TF: variants seen among roughly 807,000 people sequenced by gnomAD.
TF encodes transferrin.
In TF, 55 loss-of-function variants were observed where a neutral mutation model predicts 82.4. That is an observed-to-expected ratio of 0.67 (90% CI 0.54 to 0.84). The LOEUF (loss-of-function observed/expected upper bound fraction) is 0.84, where lower values mean the gene tolerates loss of function less well. TF is among the 40% of genes least tolerant of loss of function. The pLI is 0.00. For missense variants in TF, 737 were observed against 868.4 expected (o/e 0.85, Z 1.90); for synonymous variants, 332 against 332.6 (o/e 1.00, Z 0.02).
In TF at chr3:133,778,645, A is replaced by G. The variant is rs1241289501; in HGVS notation, c.*25A>G. 5.0e-6 allele frequency: 8 copies of G among 1,612,844 alleles called. No individual in the cohort carries two copies. The highest frequency in any genetic ancestry group is 5.9e-6 in the Non-Finnish European group (7 of 1,179,298). ...AAATCTCAGAGGTAGGGCTGCCACC[A>G]AGGTGAAGATGGGAACGCAGATGAT... On this transcript the variant is annotated 3_prime_UTR_variant, in exon 17 of 17. Coordinates refer to ENST00000402696, the MANE Select transcript of TF (RefSeq NM_001063.4).
intron 5 of TF, chr3:133,755,757 C>T (rs980404010): frequency 2.0e-5 from 11 of 552,000 alleles, no homozygotes; most frequent in Non-Finnish European, 3.6e-5. Flanking sequence ...GTCAGTGTCT[C>T]CTCTCGGTGG....
intron 6 of TF, 58 bp downstream of exon 6, chr3:133,756,395 G>A: frequency 9.0e-6 from 14 of 1,555,236 alleles, no homozygotes; most frequent in Non-Finnish European, 1.2e-5. Context: ...TTCTTTTTCT[G>A]TGTTCCCTTT....
chr3:133,762,653 C>T (rs991904608), intron 9 of TF, among the ~76,000 whole-genome samples: 4 of 152,046 alleles, frequency 2.6e-5, no homozygotes, highest in East Asian at 1.9e-4. Flanking sequence ...GACTACCATA[C>T]GTAAAGTACT....
rs144878001 is a variant in TF, at chr3:133,755,674, C to G, written c.635+179C>G. 1,714 of 770,892 alleles carry G rather than the reference C, an allele frequency of 2.2e-3. 11 individuals carry two copies. The highest frequency in any genetic ancestry group is 0.011 in the Middle Eastern group (32 of 2,792). The allele number at this position is 770,892 out of a possible 1,614,324, so 47.8% of individuals were successfully genotyped here. On this transcript the variant is annotated intron_variant, in intron 5 of 16. Coordinates refer to ENST00000402696, the MANE Select transcript of TF (RefSeq NM_001063.4). ...TCCTAGGCCAAGCCAGCCCATGTTC[C>G]CTTTCATCTGACCCTGACAAGTAGG...
chr3:133,753,610 G>A lies in TF; in HGVS notation c.232G>A (p.Ala78Thr), dbSNP rs759921003. ...IRAIAANEAD[A>T]VTLDAGLVYD... ...TCTCTTTCAGGCAAACGAAGCGGAT[G>A]CTGTGACACTGGATGCAGGTTTGGT... The change falls in exon 3 of 17, where the codon GCT becomes ACT. Residue 78 changes from alanine (A) to threonine (T), a missense_variant. Coordinates refer to ENST00000402696, the MANE Select transcript of TF (RefSeq NM_001063.4). 1.9e-6 allele frequency: 3 copies of A among 1,614,184 alleles called. No homozygotes were observed. Among genetic ancestry groups the A allele is most frequent in the East Asian group, 4.5e-5 (2 of 44,886 alleles).
Position 133,757,752 on chromosome 3 carries a change from T to C in TF, c.871-17T>C. Reference sequence around the variant, plus strand: ...TCTTCTGTGTTGCCATCCACTATTCTGTTTTTCTATGAACAGGAACATTTT... The same window carrying C: ...TCTTCTGTGTTGCCATCCACTATTCCGTTTTTCTATGAACAGGAACATTTT... On this transcript the variant is annotated splice_polypyrimidine_tract_variant and intron_variant, in intron 7 of 16. Transcript: ENST00000402696. The C allele has an allele frequency of 6.2e-7, 1 of 1,611,512 alleles. No homozygotes were observed. Among genetic ancestry groups the C allele is most frequent in the Non-Finnish European group, 8.5e-7 (1 of 1,177,586 alleles).
rs1934504439 is a variant in TF, at chr3:133,780,998, C to T, written c.*2378C>T. On this transcript the variant is annotated 3_prime_UTR_variant, in exon 17 of 17. Transcript: ENST00000402696. ...AGAGCACTCCAGCCTAGTGACAGAG[C>T]AAGACTCTGTCTGGAAAATAATAAA... is the stretch of plus-strand genomic sequence containing the variant. The T allele has an allele frequency of 6.6e-6, 1 of 150,928 alleles. No individual in the cohort carries two copies. The highest frequency in any genetic ancestry group is 1.5e-5 in the Non-Finnish European group (1 of 67,830). 9.3% of individuals were successfully genotyped at this position (150,928 alleles called of 1,614,324 possible). A position where few individuals can be genotyped will look rare whatever the true frequency, so the allele number is the denominator to read the frequency against.
chr3:133,746,632 C>G (rs979437540), intron 1 of TF, 149 bp downstream of exon 1: 1 of 858,206 alleles, frequency 1.2e-6, no homozygotes, highest in African/African-American at 1.7e-5. Context: ...CTACGCCCCA[C>G]CCCTGGCCTT....
intron 9 of TF, chr3:133,762,119 C>G (rs542117364): frequency 6.0e-4 from 129 of 213,818 alleles, no homozygotes; most frequent in Non-Finnish European, 1.0e-3. Flanking sequence ...TACAGATGAT[C>G]GATCATAAAA....
chr3:133,760,119 C>T (rs930133560), intron 9 of TF, among the ~76,000 whole-genome samples: 3 of 152,016 alleles, frequency 2.0e-5, no homozygotes, highest in African/African-American at 4.8e-5. Context: ...TGCCAAGCTC[C>T]ACTCCCCCTC....
chr3:133,741,211 C>T (rs189156302), upstream of TF, among the ~76,000 whole-genome samples: 1 of 151,960 alleles, frequency 6.6e-6, no homozygotes. Flanking sequence ...ATGCTGGTCT[C>T]AAACTCCTGA....
chr3:133,715,074 C>A, the TF span, among the ~76,000 whole-genome samples: 3 of 152,102 alleles, frequency 2.0e-5, no homozygotes, highest in Non-Finnish European at 2.9e-5. Flanking sequence ...TTTTTCCATC[C>A]TTTCTGAGCA....
At chr3:133,708,409 A>T in the TF span, among the ~76,000 whole-genome samples, 6 of 152,180 alleles carry the variant, frequency 3.9e-5, no homozygotes, top group Non-Finnish European at 8.8e-5. Context: ...GGGTGCATGT[A>T]TGTAGACATA....
chr3:133,666,718 G>A, the TF span, among the ~76,000 whole-genome samples: 1 of 152,012 alleles, frequency 6.6e-6, no homozygotes, highest in Admixed American at 6.6e-5. Context: ...TGGCCTGTTT[G>A]CAAACAAAAA....
chr3:133,755,314 G>C, intron 4 of TF, 49 bp from the exon 5 acceptor site: 2 of 1,613,782 alleles, frequency 1.2e-6, no homozygotes, highest in Non-Finnish European at 1.7e-6. Context: ...GCCATTGGCT[G>C]TGGCCAGCCT....
chr3:133,682,893 GAC>G, the TF span, among the ~76,000 whole-genome samples: 2 of 152,142 alleles, frequency 1.3e-5, no homozygotes, highest in Non-Finnish European at 2.9e-5. Flanking sequence ...GCATCTCCAA[GAC>G]ACATAATTGT....
the TF span, among the ~76,000 whole-genome samples, chr3:133,727,855 G>T: frequency 7.6e-6 from 1 of 130,950 alleles, no homozygotes; most frequent in Non-Finnish European, 1.6e-5. Context: ...GGCCTGTGGT[G>T]ACAAAATCTC....
the TF span, among the ~76,000 whole-genome samples, chr3:133,719,300 G>T: frequency 2.9e-3 from 449 of 152,282 alleles, 2 homozygotes; most frequent in African/African-American, 0.01. Flanking sequence ...GAGAACACAA[G>T]CACCTCCTCT....
the TF span, among the ~76,000 whole-genome samples, chr3:133,721,007 G>T: frequency 3.0e-4 from 46 of 151,886 alleles, no homozygotes; most frequent in African/African-American, 8.9e-4. Flanking sequence ...TTAGCTAAAG[G>T]TTTCTCAATT....
Sources: gnomAD v4.1 joint callset for allele counts (sites outside exome capture counted in the v4.1 genomes callset) on GRCh38, gnomAD v4.1.1 for gene constraint, MANE v1.5 for transcripts, NCBI Gene and HGNC (gene_info 2026-07-23, HGNC 2026-07-21) for gene names.